Variants in KAT6B observed in about 807,000 individuals in gnomAD.
KAT6B encodes histone acetyltransferase KAT6B.
KAT6B carries 10 observed loss-of-function variants against 187.5 expected under a neutral mutation model. That is an observed-to-expected ratio of 0.05 (90% CI 0.03 to 0.09). KAT6B has a LOEUF of 0.09. Ranked by LOEUF, KAT6B falls within the 10% of genes least tolerant of loss-of-function variation. The pLI, the probability that KAT6B is intolerant of heterozygous loss-of-function variation, is 1.00. For missense variants in KAT6B, 1,952 were observed against 2,558.9 expected, an observed-to-expected ratio of 0.76 and a Z score of 5.12; for synonymous variants, 861 against 926.8, an observed-to-expected ratio of 0.93 and a Z score of 1.29.
At chr10:74,893,567 T>A (rs908521358) in intron 3 of KAT6B, among the ~76,000 whole-genome samples, 1 of 151,984 alleles carries the variant, frequency 6.6e-6, no homozygotes, top group African/African-American at 2.4e-5. Context: ...TCTCTGGGGT[T>A]CAAGCGATTC....
At chr10:74,970,638 C>T (rs1388196026) in intron 6 of KAT6B, among the ~76,000 whole-genome samples, 1 of 152,020 alleles carries the variant, frequency 6.6e-6, no homozygotes, top group Non-Finnish European at 1.5e-5. Flanking sequence ...CTAAGCTCAG[C>T]CTTTTCCCCT....
chr10:74,869,545 CA>C (rs1480061199), intron 3 of KAT6B, among the ~76,000 whole-genome samples: 3 of 152,208 alleles, frequency 2.0e-5, no homozygotes, highest in African/African-American at 7.2e-5. Context: ...CTGGGCCTCC[CA>C]AAGTGCTGAG....
At chr10:75,002,265 T>TA (rs1455725818) in intron 13 of KAT6B, among the ~76,000 whole-genome samples, 1 of 151,840 alleles carries the variant, frequency 6.6e-6, no homozygotes, top group Admixed American at 6.6e-5. Context: ...TTTCCCCACT[T>TA]ACAGGCCCCA....
intron 6 of KAT6B, among the ~76,000 whole-genome samples, chr10:74,971,262 A>G (rs1403808098): frequency 1.3e-5 from 2 of 152,176 alleles, no homozygotes; most frequent in African/African-American, 4.8e-5. Flanking sequence ...AAATTCCTAG[A>G]GGAGGAACTG....
intron 17 of KAT6B, among the ~76,000 whole-genome samples, chr10:75,027,388 AACTC>A (rs1220563144): frequency 6.6e-6 from 1 of 152,170 alleles, no homozygotes; most frequent in Admixed American, 6.5e-5. Context: ...GTTGGACTAG[AACTC>A]ACTCTATTCT....
intron 1 of KAT6B, among the ~76,000 whole-genome samples, chr10:74,830,210 A>G (rs771582926): frequency 1.6e-4 from 24 of 152,064 alleles, no homozygotes; most frequent in Admixed American, 7.9e-4. Context: ...TAGAACTCCC[A>G]TGATCTTCTG....
intron 3 of KAT6B, among the ~76,000 whole-genome samples, chr10:74,930,688 C>T (rs1307771686): frequency 2.0e-5 from 3 of 152,160 alleles, no homozygotes; most frequent in African/African-American, 7.2e-5. Context: ...AATATTTTAA[C>T]TTTTGAAATA....
chr10:75,021,339 T>C lies in KAT6B; in HGVS notation c.3021+54T>C, dbSNP rs978192975. ...GTGTAACTTCAATCTTGTAGCATTC[T>C]TAAGCTAAGAAAGTCATTAAGATCG... On this transcript the variant is annotated intron_variant, in intron 15 of 17. Transcript: ENST00000287239. 3.2e-6 allele frequency: 5 copies of C among 1,581,584 alleles called. No homozygotes were observed. In the East Asian group the frequency reaches 6.7e-5, roughly 21 times the overall value.
chr10:75,020,554 G>A (rs908859560), intron 13 of KAT6B, 28 bp from the exon 14 acceptor site: 1 of 1,501,810 alleles, frequency 6.7e-7, no homozygotes, highest in African/African-American at 1.4e-5. Context: ...CCACAGTGAG[G>A]AATGCCCATT....
chr10:74,963,727 G>T (rs1841263824), intron 4 of KAT6B, among the ~76,000 whole-genome samples: 1 of 152,194 alleles, frequency 6.6e-6, no homozygotes, highest in Admixed American at 6.5e-5. Flanking sequence ...CACCCCAGGA[G>T]TTGGTTGCTT....
chr10:74,827,366 G>GTT (rs1840347131), intron 1 of KAT6B: 1 of 152,816 alleles, frequency 6.5e-6, no homozygotes, highest in African/African-American at 2.4e-5. Flanking sequence ...GCGGTGCAGA[G>GTT]TGTTGGGTTT....
intron 3 of KAT6B, among the ~76,000 whole-genome samples, chr10:74,849,994 A>G (rs1328801615): frequency 6.7e-6 from 1 of 150,356 alleles, no homozygotes; most frequent in Admixed American, 6.7e-5. Flanking sequence ...GCTGGAGTGC[A>G]GTGGCATGAT....
chr10:74,869,525 A>G (rs374821806), intron 3 of KAT6B, among the ~76,000 whole-genome samples: 2 of 152,282 alleles, frequency 1.3e-5, no homozygotes, highest in South Asian at 2.1e-4. Context: ...GCCTCAAGCA[A>G]TCTGCCTGCC....
At chr10:74,914,427 A>C (rs1263959788) in intron 3 of KAT6B, among the ~76,000 whole-genome samples, 1 of 152,124 alleles carries the variant, frequency 6.6e-6, no homozygotes, top group East Asian at 1.9e-4. Context: ...TTTCAACATA[A>C]TTTTTTCAAT....
rs562072459 is a variant in KAT6B at position 75,029,654 on chromosome 10, C to T, written c.4830C>T (p.Ser1610=). 15 of 1,614,142 alleles carry T rather than the reference C, an allele frequency of 9.3e-6. No individual in the cohort carries two copies. In the Admixed American group the frequency reaches 1.2e-4, roughly 13 times the overall value. The change falls in exon 18 of 18, where the codon TCC becomes TCT. Residue 1610 remains serine (S), a synonymous_variant. Coordinates refer to ENST00000287239, the MANE Select transcript of KAT6B (RefSeq NM_012330.4). This position sits in a 1 kb window ranked among gnomAD's most constrained non-coding sequence, Gnocchi z 6.2. ...VSSVHSHPGQ[S]VRSVNSPSVP... Reference sequence around the variant, plus strand: ...CCGTCCACTCCCATCCTGGCCAGTCCGTACGTTCTGTCAACAGCCCAAGTG... The same window carrying T: ...CCGTCCACTCCCATCCTGGCCAGTCTGTACGTTCTGTCAACAGCCCAAGTG...
chr10:74,946,187 A>G (rs1225870015), intron 3 of KAT6B, among the ~76,000 whole-genome samples: 1 of 152,154 alleles, frequency 6.6e-6, no homozygotes, highest in African/African-American at 2.4e-5. Context: ...AGTGAAGTCC[A>G]TTTCTTATCT....
rs772530975 is a variant in KAT6B, at chr10:75,028,883, GGAA to G, written c.4062_4064del (p.Glu1368del). The G allele has an allele frequency of 1.2e-5, 19 of 1,613,150 alleles. No individual in the cohort carries two copies. The South Asian group carries it at 1.8e-4, about 15-fold the overall frequency. On this transcript the variant is annotated inframe_deletion, in exon 18 of 18. Transcript: ENST00000287239. ...ATGATCTCATCAAACCTGAGGAAGA[GGAA>G]GAGGAGGAGGAGGAGGAAGAGGAAG...
chr10:74,927,423 T>A (rs1253539324), intron 3 of KAT6B, among the ~76,000 whole-genome samples: 4 of 151,022 alleles, frequency 2.6e-5, no homozygotes, highest in African/African-American at 9.8e-5. Flanking sequence ...GTGCCTCTGC[T>A]TGGCCAACCA....
intron 17 of KAT6B, among the ~76,000 whole-genome samples, chr10:75,026,798 G>T (rs1845880669): frequency 6.6e-6 from 1 of 152,006 alleles, no homozygotes; most frequent in East Asian, 1.9e-4. Context: ...ATTTTGGGAG[G>T]TGTTCCAACA....
Sources: gnomAD v4.1 joint callset for allele counts (sites outside exome capture counted in the v4.1 genomes callset) on GRCh38, gnomAD v4.1.1 for gene constraint, Gnocchi (gnomAD v3.1) non-coding constraint, MANE v1.5 for transcripts, NCBI Gene and HGNC (gene_info 2026-07-23, HGNC 2026-07-21) for gene names.